SIDT1: variants seen among roughly 807,000 people sequenced by gnomAD.
SIDT1 encodes SID1 transmembrane family, member 1.
In SIDT1, 101 loss-of-function variants were observed where a neutral mutation model predicts 107.5. The ratio of observed to expected loss-of-function variants is 0.94; its 90% confidence interval spans 0.80 to 1.11. The LOEUF (loss-of-function observed/expected upper bound fraction) is 1.11. Among genes scored for constraint, SIDT1 ranks in the 50% least tolerant of loss-of-function variants. The pLI is 0.00. For missense variants in SIDT1, 1,076 were observed against 1,058.2 expected (o/e 1.02, Z -0.23); for synonymous variants, 395 against 398.2 (o/e 0.99, Z 0.10).
chr3:113,535,515 T>C (rs1386517082), intron 1 of SIDT1, among the ~76,000 whole-genome samples: 1 of 152,238 alleles, frequency 6.6e-6, no homozygotes, highest in Non-Finnish European at 1.5e-5. Context: ...TGTTCTATTA[T>C]GCCCTATTTT....
intron 3 of SIDT1, 122 bp downstream of exon 3, chr3:113,567,832 G>A: frequency 9.7e-7 from 1 of 1,034,882 alleles, no homozygotes; most frequent in South Asian, 1.6e-5. Flanking sequence ...TATGATTTTA[G>A]CACTTCCTGA....
chr3:113,599,605 A>T (rs995329569), intron 10 of SIDT1, among the ~76,000 whole-genome samples: 23 of 152,210 alleles, frequency 1.5e-4, no homozygotes, highest in Admixed American at 1.3e-4. Context: ...AACATGGAGG[A>T]TGTTATGCTA....
rs141201529 is a variant in SIDT1 at position 113,589,246 on chromosome 3, C to G, written c.1002-3759C>G. Among the ~76,000 whole-genome samples the G allele has an allele frequency of 9.2e-5, 14 of 152,322 alleles. 1 individual carries two copies. Among genetic ancestry groups the G allele is most frequent in the South Asian group, 4.1e-4 (2 of 4,830 alleles). ...CAGCCATTTTGCAATCAATCTAGCA[C>G]AGTCCTCATTTGCTATTTTTTCCTT... is the stretch of plus-strand genomic sequence containing the variant. On this transcript the variant is annotated intron_variant, in intron 9 of 24. Transcript: ENST00000264852.
intron 1 of SIDT1, among the ~76,000 whole-genome samples, chr3:113,546,417 T>G (rs1939600283): frequency 6.6e-6 from 1 of 152,214 alleles, no homozygotes; most frequent in Non-Finnish European, 1.5e-5. Context: ...GTTCTTCACT[T>G]CTTGAAAGTG....
downstream of SIDT1, among the ~76,000 whole-genome samples, chr3:113,632,275 T>A (rs1042644597): frequency 6.6e-6 from 1 of 152,218 alleles, no homozygotes; most frequent in African/African-American, 2.4e-5. Context: ...ATTTAAATCT[T>A]GACTTTTTTG....
chr3:113,560,253 T>G (rs1941304375), intron 1 of SIDT1, among the ~76,000 whole-genome samples: 1 of 152,222 alleles, frequency 6.6e-6, no homozygotes, highest in South Asian at 2.1e-4. Flanking sequence ...GTAGGAAGCC[T>G]GTGCTGCTTC....
At position 113,628,274 on chromosome 3, in the gene SIDT1, A is replaced by C. The variant is rs1323861461; in HGVS notation, c.*566A>C. The C allele has an allele frequency of 6.5e-6, 1 of 153,190 alleles. No homozygotes were observed. The highest frequency in any genetic ancestry group is 1.5e-5 in the Non-Finnish European group (1 of 68,460). The allele number at this position is 153,190 out of a possible 1,614,324, so 9.5% of individuals were successfully genotyped here. A position where few individuals can be genotyped will look rare whatever the true frequency, so the allele number is the denominator to read the frequency against. On this transcript the variant is annotated 3_prime_UTR_variant, in exon 25 of 25. Coordinates refer to ENST00000264852, the MANE Select transcript of SIDT1 (RefSeq NM_017699.3). ...GCACCAGCTAGTCACCTCCCAGAAG[A>C]AACTCTGTATATTTCCCCCAGGTTT...
intron 1 of SIDT1, among the ~76,000 whole-genome samples, chr3:113,557,407 T>C (rs919098743): frequency 2.2e-4 from 34 of 152,132 alleles, no homozygotes; most frequent in African/African-American, 8.2e-4. Flanking sequence ...ATCTTTGCAG[T>C]TGTGACCAAG....
At chr3:113,610,034 A>G (rs374492815) in intron 17 of SIDT1, among the ~76,000 whole-genome samples, 24 of 152,118 alleles carry the variant, frequency 1.6e-4, no homozygotes, top group African/African-American at 5.8e-4. Context: ...GCCTTTTTTC[A>G]TTCAAGAATA....
chr3:113,555,429 GTCAA>G (rs1940739582), intron 1 of SIDT1, among the ~76,000 whole-genome samples: 1 of 152,212 alleles, frequency 6.6e-6, no homozygotes, highest in Admixed American at 6.5e-5. Flanking sequence ...AGGATAGGGA[GTCAA>G]ACATTTATTG....
chr3:113,567,409 A>G (rs1942017543), intron 2 of SIDT1, 131 bp from the exon 3 acceptor site: 1 of 700,640 alleles, frequency 1.4e-6, no homozygotes, highest in African/African-American at 1.8e-5. Flanking sequence ...GTTCCAGTCT[A>G]AAATTCAAAA....
intron 3 of SIDT1, among the ~76,000 whole-genome samples, chr3:113,576,619 C>A (rs980101790): frequency 3.3e-5 from 5 of 152,072 alleles, no homozygotes; most frequent in African/African-American, 9.7e-5. Context: ...CAAGAGAGTC[C>A]CAAGGCAAAA....
chr3:113,558,474 C>T lies in SIDT1; in HGVS notation c.223-7946C>T, dbSNP rs369236684. 6.6e-5 allele frequency among the ~76,000 whole-genome samples: 10 copies of T among 152,278 alleles called. No homozygotes were observed. In the South Asian group the frequency reaches 8.3e-4, roughly 13 times the overall value. On this transcript the variant is annotated intron_variant, in intron 1 of 24. Transcript: ENST00000264852. ...GGCACCAACTGAAGTTTTTTAAATGCTATCATTTCAAGGATATTTGCATAG... is the reference window on the plus strand; with the variant it reads ...GGCACCAACTGAAGTTTTTTAAATGTTATCATTTCAAGGATATTTGCATAG...
At chr3:113,601,032 G>C (rs1944923315) in intron 10 of SIDT1, among the ~76,000 whole-genome samples, 1 of 152,190 alleles carries the variant, frequency 6.6e-6, no homozygotes. Flanking sequence ...AGCTGAGCCA[G>C]CTCTTGGCTA....
At chr3:113,622,995 C>G (rs1946569067) in intron 21 of SIDT1, among the ~76,000 whole-genome samples, 1 of 151,912 alleles carries the variant, frequency 6.6e-6, no homozygotes. Flanking sequence ...CAACATCAGG[C>G]TGGGCAACAT....
At chr3:113,624,859 T>C (rs760890363) in intron 23 of SIDT1, among the ~76,000 whole-genome samples, 5 of 152,228 alleles carry the variant, frequency 3.3e-5, no homozygotes, top group Non-Finnish European at 5.9e-5. Flanking sequence ...TTGCTGCAAA[T>C]GGCAGGATTT....
At chr3:113,537,315 A>G (rs1938288625) in intron 1 of SIDT1, among the ~76,000 whole-genome samples, 1 of 152,232 alleles carries the variant, frequency 6.6e-6, no homozygotes, top group Admixed American at 6.5e-5. Flanking sequence ...CAGTAGTTGT[A>G]TACCTAGAAC....
chr3:113,548,809 C>T (rs528893817), intron 1 of SIDT1, among the ~76,000 whole-genome samples: 4 of 152,268 alleles, frequency 2.6e-5, no homozygotes, highest in South Asian at 4.1e-4. Flanking sequence ...CAATTTACTA[C>T]TCTTTGTCTT....
intron 18 of SIDT1, among the ~76,000 whole-genome samples, chr3:113,611,846 C>A (rs1315400020): frequency 6.6e-6 from 1 of 152,012 alleles, no homozygotes; most frequent in Non-Finnish European, 1.5e-5. Context: ...CCCGTTGCCC[C>A]TTCACCATTG....
Sources: gnomAD v4.1 joint callset for allele counts (sites outside exome capture counted in the v4.1 genomes callset) on GRCh38, gnomAD v4.1.1 for gene constraint, MANE v1.5 for transcripts, NCBI Gene and HGNC (gene_info 2026-07-23, HGNC 2026-07-21) for gene names.